Variants in KCNMB2 observed in about 807,000 individuals in gnomAD.
The protein encoded by KCNMB2 is potassium calcium-activated channel subfamily M regulatory beta subunit 2.
Under a neutral mutation model 24.5 loss-of-function variants are expected in KCNMB2, and 9 were observed. The observed-to-expected ratio is 0.37, with a 90% CI of 0.22 to 0.64. KCNMB2 has a LOEUF of 0.64. Ranked by LOEUF, KCNMB2 falls within the 30% of genes least tolerant of loss-of-function variation. The probability of loss-of-function intolerance (pLI) is 0.63; values close to 1 mark genes in which losing one functional copy is unlikely to be tolerated. For missense variants in KCNMB2, 226 were observed against 284.3 expected, an observed-to-expected ratio of 0.79 and a Z score of 1.47; for synonymous variants, 109 against 104.4, an observed-to-expected ratio of 1.04 and a Z score of -0.27.
Position 178,558,861 on chromosome 3 carries a change from T to C in KCNMB2, c.-68+22150T>C, listed in dbSNP as rs981884511. Reference sequence around the variant, plus strand: ...CACCGTTCTGTTTTCTTTCTTTTCTTAATCCTATCCAAGTATGCAGTACGC... The same window carrying C: ...CACCGTTCTGTTTTCTTTCTTTTCTCAATCCTATCCAAGTATGCAGTACGC... On this transcript the variant is annotated intron_variant, in intron 1 of 4. Transcript: ENST00000452583. 1.4e-4 allele frequency: 21 copies of C among 152,300 alleles called. No homozygotes were observed. The East Asian group carries it at 3.9e-3, about 28-fold the overall frequency. 9.4% of individuals were successfully genotyped at this position (152,300 alleles called of 1,614,324 possible).
chr3:178,732,679 G>A (rs748083395), intron 1 of KCNMB2, among the ~76,000 whole-genome samples: 15 of 152,146 alleles, frequency 9.9e-5, no homozygotes, highest in Admixed American at 2.0e-4. Context: ...TGCCCTGAGT[G>A]CAATGTTAAT....
At chr3:178,772,654 G>C (rs1182230498) in intron 1 of KCNMB2, among the ~76,000 whole-genome samples, 3 of 152,210 alleles carry the variant, frequency 2.0e-5, no homozygotes, top group African/African-American at 7.2e-5. Flanking sequence ...GACTAATACA[G>C]TAACTTTATA....
At chr3:178,570,675 G>A (rs1377861007) in intron 1 of KCNMB2, among the ~76,000 whole-genome samples, 2 of 151,704 alleles carry the variant, frequency 1.3e-5, no homozygotes, top group Admixed American at 6.6e-5. Context: ...CTGGAGCAAA[G>A]AACAAGTGAA....
chr3:178,783,268 A>G (rs71310304), intron 1 of KCNMB2, among the ~76,000 whole-genome samples: 25,478 of 148,574 alleles, frequency 0.17, 2,566 homozygotes, highest in African/African-American at 0.28. Context: ...TTGACTTGGC[A>G]ATGCGGGCTC....
At chr3:178,685,676 A>G (rs1330450566) in intron 1 of KCNMB2, among the ~76,000 whole-genome samples, 1 of 152,224 alleles carries the variant, frequency 6.6e-6, no homozygotes, top group African/African-American at 2.4e-5. Flanking sequence ...GGAAATTATT[A>G]AGTCCAAACC....
intron 1 of KCNMB2, among the ~76,000 whole-genome samples, chr3:178,753,776 TA>T (rs1196493699): frequency 2.0e-5 from 3 of 152,184 alleles, no homozygotes; most frequent in Non-Finnish European, 2.9e-5. Flanking sequence ...TTACCTCACA[TA>T]TTTATTTCTT....
intron 1 of KCNMB2, among the ~76,000 whole-genome samples, chr3:178,709,616 T>C (rs1195836418): frequency 6.6e-6 from 1 of 152,204 alleles, no homozygotes. Flanking sequence ...AAGTATAAAT[T>C]GCAGAATATT....
intron 3 of KCNMB2, among the ~76,000 whole-genome samples, chr3:178,826,216 C>T (rs1714827557): frequency 1.3e-5 from 2 of 152,104 alleles, no homozygotes; most frequent in Non-Finnish European, 2.9e-5. Context: ...TCACCTTCCA[C>T]GTGAGTGGTT....
intron 1 of KCNMB2, among the ~76,000 whole-genome samples, chr3:178,747,686 T>G (rs1419777304): frequency 1.3e-5 from 2 of 152,216 alleles, no homozygotes; most frequent in African/African-American, 4.8e-5. Context: ...TAGTCTTGTC[T>G]TTGAGTCTAT....
At chr3:178,592,298 G>A (rs1215551466) in intron 1 of KCNMB2, among the ~76,000 whole-genome samples, 1 of 152,110 alleles carries the variant, frequency 6.6e-6, no homozygotes, top group East Asian at 1.9e-4. Context: ...TCAGACTATG[G>A]GAATGTAAGA....
At chr3:178,693,240 T>C (rs1167174150) in intron 1 of KCNMB2, among the ~76,000 whole-genome samples, 1 of 152,252 alleles carries the variant, frequency 6.6e-6, no homozygotes, top group Non-Finnish European at 1.5e-5. Context: ...ATGTCTTTTA[T>C]TTCTTTCTTT....
intron 1 of KCNMB2, among the ~76,000 whole-genome samples, chr3:178,707,537 C>T (rs1722317765): frequency 6.6e-6 from 1 of 152,126 alleles, no homozygotes; most frequent in Admixed American, 6.6e-5. Context: ...GTGGTGATTA[C>T]CTCACAGTAA....
intron 1 of KCNMB2, among the ~76,000 whole-genome samples, chr3:178,650,294 T>C (rs1430332429): frequency 2.0e-5 from 3 of 152,168 alleles, no homozygotes; most frequent in Non-Finnish European, 4.4e-5. Context: ...AAGTGTGATG[T>C]GGTGCTGAGA....
chr3:178,756,386 T>G (rs1419113632), intron 1 of KCNMB2, among the ~76,000 whole-genome samples: 1 of 152,154 alleles, frequency 6.6e-6, no homozygotes, highest in African/African-American at 2.4e-5. Context: ...ATTAGGTTTC[T>G]GTGAGCCTCT....
chr3:178,810,902 C>CTTT (rs56925343), intron 2 of KCNMB2, among the ~76,000 whole-genome samples: 5 of 107,990 alleles, frequency 4.6e-5, no homozygotes, highest in Non-Finnish European at 7.2e-5. Context: ...ACCTGGCTAA[C>CTTT]TTTTTTTTTT....
chr3:178,835,989 C>T (rs1007970835), intron 4 of KCNMB2, among the ~76,000 whole-genome samples: 7 of 152,008 alleles, frequency 4.6e-5, no homozygotes, highest in African/African-American at 1.7e-4. Context: ...AAATTTCTAA[C>T]CCCATTTCAA....
chr3:178,711,900 A>C (rs80029410), intron 1 of KCNMB2, among the ~76,000 whole-genome samples: 62 of 152,324 alleles, frequency 4.1e-4, no homozygotes, highest in African/African-American at 1.5e-3. Flanking sequence ...GTGGAGTGGA[A>C]AGTGTAAAAT....
At position 178,805,876 on chromosome 3, in the gene KCNMB2, G is replaced by A. The variant is rs1182086320; in HGVS notation, c.-67-1467G>A. On this transcript the variant is annotated intron_variant, in intron 1 of 4. Coordinates refer to ENST00000452583, the MANE Select transcript of KCNMB2 (RefSeq NM_181361.3). ...TGGTCTCAAATTCCTGGACTCAAGC[G>A]ATCCTCCCTACTAAGCCTCTCAAAT... Among the ~76,000 whole-genome samples the A allele has an allele frequency of 2.6e-5, 4 of 151,974 alleles. No individual in the cohort carries two copies. In the East Asian group the frequency reaches 5.8e-4, roughly 22 times the overall value.
chr3:178,625,173 G>C (rs1007038914), intron 1 of KCNMB2, among the ~76,000 whole-genome samples: 1 of 152,082 alleles, frequency 6.6e-6, no homozygotes, highest in Admixed American at 6.6e-5. Context: ...GGAGCCAGGG[G>C]GCACCTCTTG....
Sources: allele counts gnomAD v4.1 joint callset (sites outside exome capture counted in the v4.1 genomes callset), GRCh38; gene constraint gnomAD v4.1.1; transcripts MANE v1.5; gene names NCBI Gene and HGNC (gene_info 2026-07-23, HGNC 2026-07-21).